Variants in SNTB1 observed in about 807,000 individuals in gnomAD.
SNTB1 encodes the protein syntrophin beta 1.
SNTB1 carries 36 observed loss-of-function variants against 48.9 expected under a neutral mutation model. The ratio of observed to expected loss-of-function variants is 0.74; its 90% CI spans 0.56 to 0.97. The LOEUF (loss-of-function observed/expected upper bound fraction) is 0.97, where lower values mean the gene tolerates loss of function less well. Among genes scored for constraint, SNTB1 ranks in the 50% least tolerant of loss-of-function variants. The probability of loss-of-function intolerance (pLI) is 0.00; values close to 1 mark genes in which losing one functional copy is unlikely to be tolerated. For missense variants in SNTB1, 786 were observed against 703.4 expected (o/e 1.12, Z -1.33); for synonymous variants, 299 against 294.6 (o/e 1.01, Z -0.15).
chr8:120,691,365 T>C (rs1818124703), intron 2 of SNTB1, among the ~76,000 whole-genome samples: 1 of 152,232 alleles, frequency 6.6e-6, no homozygotes, highest in Non-Finnish European at 1.5e-5. Context: ...AGCTAGACTA[T>C]ATAACAGCTA....
intron 1 of SNTB1, among the ~76,000 whole-genome samples, chr8:120,709,512 A>G (rs2129913542): frequency 6.6e-6 from 1 of 152,282 alleles, no homozygotes; most frequent in South Asian, 2.1e-4. Flanking sequence ...GACAATTGTA[A>G]TGGTTAGCAC....
Position 120,648,503 on chromosome 8 carries a change from C to T in SNTB1, c.789-15852G>A, listed in dbSNP as rs1309452592. On this transcript the variant is annotated intron_variant, in intron 2 of 6. Coordinates refer to ENST00000517992, the MANE Select transcript of SNTB1 (RefSeq NM_021021.4). ...AATGTTGAATATTGGCCCCCACTCT[C>T]TTCTGGCTTGTAGGGTTTCTGCCGA... 3.3e-3 allele frequency among the ~76,000 whole-genome samples: 500 copies of T among 152,106 alleles called. 2 individuals carry two copies. Among genetic ancestry groups the T allele is most frequent in the African/African-American group, 0.011 (474 of 41,506 alleles).
intron 3 of SNTB1, among the ~76,000 whole-genome samples, chr8:120,610,091 G>T (rs1166261197): frequency 2.0e-5 from 3 of 152,098 alleles, no homozygotes; most frequent in Non-Finnish European, 4.4e-5. Context: ...ATCAGCAAAA[G>T]ATTATTTTGC....
chr8:120,551,620 G>C (rs567449873), intron 4 of SNTB1, among the ~76,000 whole-genome samples: 1 of 151,556 alleles, frequency 6.6e-6, no homozygotes, highest in South Asian at 2.1e-4. Flanking sequence ...CAGCTACTTG[G>C]GAGGCTGAAG....
intron 2 of SNTB1, among the ~76,000 whole-genome samples, chr8:120,676,557 T>A (rs573720454): frequency 6.6e-6 from 1 of 152,350 alleles, no homozygotes; most frequent in South Asian, 2.1e-4. Context: ...CATTGGTTTT[T>A]AATGAAGTTT....
chr8:120,586,841 G>T (rs557982278), intron 3 of SNTB1, among the ~76,000 whole-genome samples: 2 of 152,168 alleles, frequency 1.3e-5, no homozygotes. Context: ...ATGGGCAAAT[G>T]GGGGAAAGAA....
intron 2 of SNTB1, among the ~76,000 whole-genome samples, chr8:120,664,329 C>G (rs983720143): frequency 5.3e-5 from 8 of 152,224 alleles, no homozygotes; most frequent in African/African-American, 1.4e-4. Flanking sequence ...AGCAAATAGT[C>G]CAGTTTATCT....
At chr8:120,627,353 G>A (rs1816899318) in intron 3 of SNTB1, among the ~76,000 whole-genome samples, 1 of 152,154 alleles carries the variant, frequency 6.6e-6, no homozygotes, top group South Asian at 2.1e-4. Flanking sequence ...TATACAAATT[G>A]CCTTCCCCTA....
chr8:120,647,281 C>T (rs1466833342), intron 2 of SNTB1, among the ~76,000 whole-genome samples: 1,401 of 131,068 alleles, frequency 0.011, 28 homozygotes, highest in African/African-American at 0.038. Context: ...TGGATCTTTC[C>T]TGCTTTCTCT....
intron 2 of SNTB1, among the ~76,000 whole-genome samples, chr8:120,653,900 A>G (rs7461221): frequency 0.65 from 97,596 of 150,958 alleles, 33,470 homozygotes; most frequent in Middle Eastern, 0.78. Flanking sequence ...TTAGCCGGGC[A>G]TTGTGGTGGG....
chr8:120,593,642 G>A (rs893036530), intron 3 of SNTB1, among the ~76,000 whole-genome samples: 1 of 152,126 alleles, frequency 6.6e-6, no homozygotes, highest in Admixed American at 6.5e-5. Context: ...TCTTATAAGC[G>A]GTATTTGCAT....
intron 3 of SNTB1, among the ~76,000 whole-genome samples, chr8:120,610,710 C>A (rs930629125): frequency 2.6e-5 from 4 of 152,170 alleles, no homozygotes; most frequent in African/African-American, 9.7e-5. Flanking sequence ...CGGCCTACTT[C>A]CGGGATCTCG....
At chr8:120,657,664 T>A (rs576359542) in intron 2 of SNTB1, among the ~76,000 whole-genome samples, 2 of 152,332 alleles carry the variant, frequency 1.3e-5, no homozygotes, top group Non-Finnish European at 2.9e-5. Context: ...TCAAGTACAA[T>A]CTCTCATTAT....
rs142877711 is a variant in SNTB1 at position 120,538,213 on chromosome 8, C to T, written c.*664G>A. Reference sequence around the variant, plus strand: ...CTTTGGCTCAGATTCTACCAGCTTACAGCTCAGATCAGTATCTGATGCTTT... The same window carrying T: ...CTTTGGCTCAGATTCTACCAGCTTATAGCTCAGATCAGTATCTGATGCTTT... On this transcript the variant is annotated 3_prime_UTR_variant, in exon 7 of 7. Transcript: ENST00000517992. The T allele has an allele frequency of 6.3e-6, 1 of 159,476 alleles. No individual in the cohort carries two copies. The highest frequency in any genetic ancestry group is 1.4e-5 in the Non-Finnish European group (1 of 71,676). The allele number at this position is 159,476 out of a possible 1,614,324, so 9.9% of individuals were successfully genotyped here.
At chr8:120,581,397 A>G in intron 3 of SNTB1, among the ~76,000 whole-genome samples, 1 of 152,120 alleles carries the variant, frequency 6.6e-6, no homozygotes, top group East Asian at 1.9e-4. Flanking sequence ...TGTGGCCAGG[A>G]GTTTGAGACC....
At chr8:120,545,219 C>T (rs1246183371) in intron 5 of SNTB1, among the ~76,000 whole-genome samples, 4 of 152,198 alleles carry the variant, frequency 2.6e-5, no homozygotes, top group African/African-American at 9.6e-5. Context: ...TGGCAGGCAT[C>T]TGTAATCCCA....
rs527337010 is a variant in SNTB1, at chr8:120,629,141, TC to T, written c.996+3302del. On this transcript the variant is annotated intron_variant, in intron 3 of 6. Coordinates refer to ENST00000517992, the MANE Select transcript of SNTB1 (RefSeq NM_021021.4). Reference sequence around the variant, plus strand: ...TGTACTGACACAGGCCTTCCTTCTTTCTCCTCTCTTGGAGTGCAGGGAAATT... The same window carrying T: ...TGTACTGACACAGGCCTTCCTTCTTTTCCTCTCTTGGAGTGCAGGGAAATT... Among the ~76,000 whole-genome samples, 812 of 152,234 alleles carry T rather than the reference TC, an allele frequency of 5.3e-3. 3 individuals are homozygous for T. Among genetic ancestry groups the T allele is most frequent in the Admixed American group, 8.5e-3 (130 of 15,276 alleles).
intron 4 of SNTB1, among the ~76,000 whole-genome samples, chr8:120,559,519 G>A (rs1815618419): frequency 6.6e-6 from 1 of 152,174 alleles, no homozygotes; most frequent in African/African-American, 2.4e-5. Context: ...CCACTTGTGG[G>A]TCAAATCTTT....
At chr8:120,778,226 C>T (rs1819769857) in intron 1 of SNTB1, among the ~76,000 whole-genome samples, 1 of 152,214 alleles carries the variant, frequency 6.6e-6, no homozygotes, top group Admixed American at 6.5e-5. Context: ...AGGAACATTT[C>T]TTCCTGAATC....
Sources: gnomAD v4.1 joint callset for allele counts (sites outside exome capture counted in the v4.1 genomes callset) on GRCh38, gnomAD v4.1.1 for gene constraint, MANE v1.5 for transcripts, NCBI Gene and HGNC (gene_info 2026-07-23, HGNC 2026-07-21) for gene names.